ARSG: variants seen among roughly 807,000 people sequenced by gnomAD.
ARSG encodes the protein ASG.
A neutral mutation model predicts 50.5 loss-of-function variants in ARSG; 37 were observed. The ratio of observed to expected loss-of-function variants is 0.73; its 90% CI spans 0.56 to 0.96. The LOEUF is 0.96. ARSG is among the 50% of genes least tolerant of loss of function. ARSG has a pLI of 0.00. For missense variants in ARSG, 629 were observed against 675.3 expected (o/e 0.93, Z 0.76); for synonymous variants, 225 against 254.6 (o/e 0.88, Z 1.11).
chr17:68,366,662 G>A (rs2079559736), intron 6 of ARSG, among the ~76,000 whole-genome samples: 2 of 144,958 alleles, frequency 1.4e-5, no homozygotes, highest in Non-Finnish European at 3.0e-5. Flanking sequence ...TTGAAATGTG[G>A]CTAGGAATTT....
intron 5 of ARSG, among the ~76,000 whole-genome samples, chr17:68,352,379 G>A (rs139202939): frequency 1.3e-5 from 2 of 151,448 alleles, no homozygotes; most frequent in African/African-American, 4.8e-5. Context: ...AGTCATCAAC[G>A]GTAAGATCCT....
At chr17:68,284,482 G>A (rs575960766) in intron 1 of ARSG, among the ~76,000 whole-genome samples, 6 of 152,074 alleles carry the variant, frequency 3.9e-5, no homozygotes, top group Admixed American at 2.6e-4. Flanking sequence ...CAGGGTCAGG[G>A]TGCATTATAT....
chr17:68,403,331 G>A (rs975648373), intron 11 of ARSG, among the ~76,000 whole-genome samples: 1 of 152,178 alleles, frequency 6.6e-6, no homozygotes, highest in Non-Finnish European at 1.5e-5. Context: ...AAGTAATAGG[G>A]CTATTTAAAT....
At chr17:68,370,375 C>T (rs1041254954) in intron 7 of ARSG, 69 bp from the exon 8 acceptor site, 5 of 1,423,606 alleles carry the variant, frequency 3.5e-6, no homozygotes, top group Non-Finnish European at 4.0e-6. Flanking sequence ...GGATATAGGG[C>T]CAGAGTGGGA....
In ARSG at chr17:68,417,733, A is replaced by ATTTTTTTTTTTTTTTTTTT. The variant is rs770292731; in HGVS notation, c.1304-2442_1304-2424dup. On this transcript the variant is annotated intron_variant, in intron 11 of 11. Coordinates refer to ENST00000621439, the MANE Select transcript of ARSG (RefSeq NM_001267727.2). ...CAAAAGACCTAATAAGAGTTGCTGA[A>ATTTTTTTTTTTTTTTTTTT]TTTTTTTTTTTTTTTTTTTTTTTTT... 8.2e-5 allele frequency among the ~76,000 whole-genome samples: 5 copies of ATTTTTTTTTTTTTTTTTTT among 60,788 alleles called. 2 individuals carry two copies. Among genetic ancestry groups the ATTTTTTTTTTTTTTTTTTT allele is most frequent in the African/African-American group, 1.2e-4 (2 of 16,122 alleles). The allele number at this position is 60,788 out of a possible 152,430, so 39.9% of individuals were successfully genotyped here.
At chr17:68,337,267 C>A (rs1757658557) in intron 2 of ARSG, among the ~76,000 whole-genome samples, 1 of 152,160 alleles carries the variant, frequency 6.6e-6, no homozygotes, top group South Asian at 2.1e-4. Context: ...GTGGTCCCCA[C>A]ATGAAGTCTG....
intron 2 of ARSG, among the ~76,000 whole-genome samples, chr17:68,340,294 T>A (rs1440664456): frequency 6.6e-6 from 1 of 152,084 alleles, no homozygotes; most frequent in Admixed American, 6.6e-5. Context: ...TCTTTTTGTG[T>A]GTGTGTGTGT....
chr17:68,261,768 A>C (rs1568395276), intron 1 of ARSG, among the ~76,000 whole-genome samples: 1 of 152,336 alleles, frequency 6.6e-6, no homozygotes, highest in East Asian at 1.9e-4. Context: ...GAAGGGTCAC[A>C]CTGCATACAC....
intron 9 of ARSG, among the ~76,000 whole-genome samples, chr17:68,389,871 T>C (rs1225076269): frequency 6.6e-6 from 1 of 152,140 alleles, no homozygotes; most frequent in Non-Finnish European, 1.5e-5. Flanking sequence ...ATACTATGCA[T>C]CCTGAAGTCC....
chr17:68,426,254 G>GGGGGGGCCCCCCC, downstream of ARSG: 1 of 816,922 alleles, frequency 1.2e-6, no homozygotes, highest in Non-Finnish European at 1.9e-6. Context: ...GGGAGCGGGG[G>GGGGGGGCCCCCCC]CTCAAATAAA....
chr17:68,448,275 A>G, the ARSG span: 2 of 152,238 alleles, frequency 1.3e-5, no homozygotes, highest in Non-Finnish European at 2.9e-5. Flanking sequence ...GAAAGTTTTA[A>G]GAAAAGCAAA....
In ARSG at chr17:68,370,472, T is replaced by C. The variant is rs745364234; in HGVS notation, c.930T>C (p.Cys310=). 6.2e-6 allele frequency: 10 copies of C among 1,613,746 alleles called. No homozygotes were observed. The highest frequency in any genetic ancestry group is 7.6e-6 in the Non-Finnish European group (9 of 1,179,778). Residue 310 remains cysteine (C), a synonymous_variant, in exon 8 of 12, where the codon TGT becomes TGC. Transcript: ENST00000621439. ...TGDNGPWAQK[C]ELAGSVGPFT... Reference sequence around the variant, plus strand: ...ACAATGGCCCGTGGGCTCAGAAGTGTGAGCTAGCGGGCAGTGTGGGTCCCT... The same window carrying C: ...ACAATGGCCCGTGGGCTCAGAAGTGCGAGCTAGCGGGCAGTGTGGGTCCCT...
chr17:68,288,228 C>T (rs1555754841), upstream of ARSG, among the ~76,000 whole-genome samples: 1 of 152,004 alleles, frequency 6.6e-6, no homozygotes, highest in East Asian at 1.9e-4. Flanking sequence ...TCTCAAACTC[C>T]TGACCTTGTG....
chr17:68,285,536 G>C (rs941520928), intron 1 of ARSG: 1 of 152,434 alleles, frequency 6.6e-6, no homozygotes, highest in Non-Finnish European at 1.5e-5. Context: ...CTGGTGTGGT[G>C]GTGCGCACCT....
In ARSG at chr17:68,307,692, A is replaced by T. The variant is rs1555764925; in HGVS notation, c.199A>T (p.Met67Leu). The T allele has an allele frequency of 2.5e-6, 4 of 1,586,840 alleles. No homozygotes were observed. The Admixed American group carries it at 6.7e-5, about 26-fold the overall frequency. ...ETKDTANLDK[M>L]ASEGMRFVDF... Reference sequence around the variant, plus strand: ...AAAGGACACTGCCAACCTTGATAAGATGGCTTCGGAGGGAATGAGGTGAGT... The same window carrying T: ...AAAGGACACTGCCAACCTTGATAAGTTGGCTTCGGAGGGAATGAGGTGAGT... Residue 67 changes from methionine to leucine, a missense_variant, in exon 2 of 12, where the codon ATG becomes TTG. Physicochemically the swap from Met to Leu is conservative, Grantham distance 15. Transcript: ENST00000621439.
chr17:68,356,939 G>T, intron 6 of ARSG, 135 bp downstream of exon 6: 1 of 1,069,684 alleles, frequency 9.3e-7, no homozygotes, highest in Non-Finnish European at 1.3e-6. Flanking sequence ...ATGCATACAT[G>T]TCTCCTATAA....
intron 1 of ARSG, among the ~76,000 whole-genome samples, chr17:68,265,439 A>T (rs1197383150): frequency 4.6e-5 from 7 of 152,204 alleles, no homozygotes; most frequent in Non-Finnish European, 1.0e-4. Context: ...GGTTGCAGTG[A>T]GCCAAGGTTG....
chr17:68,451,219 C>T, the ARSG span, among the ~76,000 whole-genome samples: 1 of 152,296 alleles, frequency 6.6e-6, no homozygotes, highest in South Asian at 2.1e-4. Context: ...TCACTTGAGG[C>T]CAGGAGTTCA....
At chr17:68,282,801 G>A (rs1233784071) in intron 1 of ARSG, among the ~76,000 whole-genome samples, 2 of 61,918 alleles carry the variant, frequency 3.2e-5, no homozygotes, top group African/African-American at 2.0e-4. Flanking sequence ...AAAAAAAAAA[G>A]GCCAGGTGTG....
Sources: gnomAD v4.1 joint callset for allele counts (sites outside exome capture counted in the v4.1 genomes callset) on GRCh38, gnomAD v4.1.1 for gene constraint, MANE v1.5 for transcripts, NCBI Gene and HGNC (gene_info 2026-07-23, HGNC 2026-07-21) for gene names.